Variants in CNTNAP3B observed in about 807,000 individuals in gnomAD.
CNTNAP3B encodes contactin-associated protein-like 3B.
Under a neutral mutation model 108.9 loss-of-function variants are expected in CNTNAP3B, and 25 were observed. The ratio of observed to expected loss-of-function variants is 0.23; its 90% CI spans 0.17 to 0.32. CNTNAP3B has a LOEUF of 0.32. Ranked by LOEUF, CNTNAP3B falls within the 10% of genes least tolerant of loss-of-function variation. The pLI is 1.00. For synonymous variants in CNTNAP3B, 103 were observed against 473.4 expected (o/e 0.22, Z 10.16); for missense variants, 252 against 1,210.4 (o/e 0.21, Z 11.75).
At position 42,042,232 on chromosome 9, in the gene CNTNAP3B, A is replaced by G. The variant is rs1275239068; in HGVS notation, c.391-28707T>C. Among the ~76,000 whole-genome samples the G allele has an allele frequency of 3.1e-5, 3 of 96,374 alleles. 1 individual carries two copies. Among genetic ancestry groups the G allele is most frequent in the East Asian group, 6.0e-4 (1 of 1,678 alleles). 63.2% of individuals were successfully genotyped at this position (96,374 alleles called of 152,430 possible). On this transcript the variant is annotated intron_variant, in intron 3 of 23. Coordinates refer to ENST00000377561, the MANE Select transcript of CNTNAP3B (RefSeq NM_001201380.3). ...ATGTACCCTAGAACTTGAAGTATAT[A>G]TAAAAAAAAGATCTGCATAGTTTTG...
intron 3 of CNTNAP3B, among the ~76,000 whole-genome samples, chr9:42,070,672 C>T (rs1459238863): frequency 6.6e-6 from 1 of 152,122 alleles, no homozygotes; most frequent in African/African-American, 2.4e-5. Context: ...CCTGCTCTCT[C>T]ATAGCAGGTA....
At chr9:42,106,499 A>C (rs545022699) in intron 1 of CNTNAP3B, among the ~76,000 whole-genome samples, 3 of 123,988 alleles carry the variant, frequency 2.4e-5, no homozygotes, top group Admixed American at 8.3e-5. Flanking sequence ...CTGTTAAGAA[A>C]GGTTTGCTTT....
chr9:42,021,847 T>A (rs1290775836), intron 3 of CNTNAP3B, among the ~76,000 whole-genome samples: 1 of 137,830 alleles, frequency 7.3e-6, no homozygotes, highest in East Asian at 2.2e-4. Flanking sequence ...AACAGTGAAA[T>A]TGAAACTGCC....
chr9:41,924,343 A>G (rs1267023196), intron 15 of CNTNAP3B, among the ~76,000 whole-genome samples: 3 of 152,306 alleles, frequency 2.0e-5, no homozygotes, highest in South Asian at 2.1e-4. Flanking sequence ...GAGACCAGTC[A>G]GGGGATCGCG....
rs1039984252 is a variant in CNTNAP3B at position 42,117,813 on chromosome 9, A to C, written c.85+11197T>G. 1.3e-4 allele frequency among the ~76,000 whole-genome samples: 18 copies of C among 138,626 alleles called. 2 individuals are homozygous for C. The highest frequency in any genetic ancestry group is 1.3e-3 in the Admixed American group (18 of 13,914). The allele number at this position is 138,626 out of a possible 152,430, so 90.9% of individuals were successfully genotyped here. ...ATAAAGAAGAAAAGAGAGAAGAATC[A>C]AATAGAAACAATAAAAAATGACAAA... On this transcript the variant is annotated intron_variant, in intron 1 of 23. Coordinates refer to ENST00000377561, the MANE Select transcript of CNTNAP3B (RefSeq NM_001201380.3).
intron 13 of CNTNAP3B, among the ~76,000 whole-genome samples, chr9:41,938,881 T>C (rs1305522881): frequency 1.3e-5 from 2 of 152,282 alleles, no homozygotes; most frequent in Non-Finnish European, 2.9e-5. Flanking sequence ...CAGTACTTAC[T>C]AATTTTTGGA....
intron 3 of CNTNAP3B, among the ~76,000 whole-genome samples, chr9:42,042,138 G>A (rs1440124367): frequency 2.8e-5 from 4 of 141,498 alleles, no homozygotes; most frequent in Non-Finnish European, 4.6e-5. Flanking sequence ...TGTAAATGAG[G>A]AGTTAATGGG....
chr9:41,954,893 C>G (rs1353637654), intron 12 of CNTNAP3B, among the ~76,000 whole-genome samples: 2 of 152,126 alleles, frequency 1.3e-5, no homozygotes, highest in African/African-American at 4.8e-5. Context: ...ACCATGTTGG[C>G]CAGGCTGGTC....
chr9:42,057,226 ACTCT>A (rs1479680531), intron 3 of CNTNAP3B, among the ~76,000 whole-genome samples: 6 of 39,682 alleles, frequency 1.5e-4, no homozygotes, highest in African/African-American at 6.8e-4. Context: ...TTTGAGACAG[ACTCT>A]CACTCACTCT....
chr9:41,920,793 C>A (rs1432054699), intron 17 of CNTNAP3B, among the ~76,000 whole-genome samples: 228 of 152,252 alleles, frequency 1.5e-3, no homozygotes, highest in African/African-American at 5.1e-3. Flanking sequence ...CTTGGATGGA[C>A]TCTAAAAATA....
chr9:41,995,183 GC>G (rs1408816510), intron 7 of CNTNAP3B, among the ~76,000 whole-genome samples: 1 of 19,252 alleles, frequency 5.2e-5, no homozygotes, highest in African/African-American at 2.7e-4. Flanking sequence ...GGTGGCTCAT[GC>G]CTGTAATCCC....
chr9:42,056,496 G>GC (rs1827074263), intron 3 of CNTNAP3B, among the ~76,000 whole-genome samples: 2 of 137,068 alleles, frequency 1.5e-5, no homozygotes, highest in Admixed American at 1.5e-4. Context: ...GACTACAGGC[G>GC]CCCGCCACCA....
intron 3 of CNTNAP3B, among the ~76,000 whole-genome samples, chr9:42,076,298 T>C (rs1295744007): frequency 7.9e-6 from 1 of 125,818 alleles, no homozygotes; most frequent in Non-Finnish European, 1.6e-5. Context: ...TGGTGGCACA[T>C]GCCTGTAGTC....
At chr9:41,919,460 A>G (rs1409069624) in intron 18 of CNTNAP3B, among the ~76,000 whole-genome samples, 4 of 152,270 alleles carry the variant, frequency 2.6e-5, no homozygotes, top group African/African-American at 9.6e-5. Flanking sequence ...GCTGTGTGAT[A>G]CCCCACTGCA....
chr9:41,941,941 G>A (rs1025949870), intron 13 of CNTNAP3B, among the ~76,000 whole-genome samples: 1 of 152,198 alleles, frequency 6.6e-6, no homozygotes, highest in Non-Finnish European at 1.5e-5. Context: ...GCAGGGGGAG[G>A]GAAGGAGAAA....
At chr9:41,946,051 A>G (rs1824525472) in intron 13 of CNTNAP3B, among the ~76,000 whole-genome samples, 1 of 152,092 alleles carries the variant, frequency 6.6e-6, no homozygotes, top group South Asian at 2.1e-4. Flanking sequence ...AATGCTTAAT[A>G]TGTATATACC....
At chr9:41,992,414 GT>G (rs1825826043) in intron 7 of CNTNAP3B, among the ~76,000 whole-genome samples, 1 of 141,362 alleles carries the variant, frequency 7.1e-6, no homozygotes, top group African/African-American at 2.7e-5. Flanking sequence ...CTTTCAAATG[GT>G]TTTCAGATCT....
intron 10 of CNTNAP3B, among the ~76,000 whole-genome samples, chr9:41,967,814 T>C (rs1275974213): frequency 1.1e-4 from 17 of 152,284 alleles, no homozygotes; most frequent in Non-Finnish European, 2.9e-5. Context: ...TAAATAGCCT[T>C]TATTTGTAGC....
chr9:42,127,613 A>T (rs1181693386), intron 1 of CNTNAP3B, among the ~76,000 whole-genome samples: 1 of 139,954 alleles, frequency 7.1e-6, no homozygotes. Flanking sequence ...TTCCATTACA[A>T]GACCCAAGGA....
Sources: gnomAD v4.1 joint callset for allele counts (sites outside exome capture counted in the v4.1 genomes callset) on GRCh38, gnomAD v4.1.1 for gene constraint, MANE v1.5 for transcripts, NCBI Gene and HGNC (gene_info 2026-07-23, HGNC 2026-07-21) for gene names.